LRBA: variants seen among roughly 807,000 people sequenced by gnomAD.
LRBA encodes LPS responsive beige-like anchor protein.
Under a neutral mutation model 330.0 loss-of-function variants are expected in LRBA, and 176 were observed. The ratio of observed to expected loss-of-function variants is 0.53; its 90% CI spans 0.47 to 0.60. LRBA has a LOEUF of 0.60. Among genes scored for constraint, LRBA ranks in the 20% least tolerant of loss-of-function variants. LRBA has a pLI of 0.00. For synonymous variants in LRBA, 1,230 were observed against 1,193.0 expected, an observed-to-expected ratio of 1.03 and a Z score of -0.64; for missense variants, 3,259 against 3,444.8, an observed-to-expected ratio of 0.95 and a Z score of 1.35.
intron 2 of LRBA, among the ~76,000 whole-genome samples, chr4:150,967,101 A>G (rs535301050): frequency 6.6e-6 from 1 of 152,222 alleles, no homozygotes; most frequent in East Asian, 1.9e-4. Flanking sequence ...AATAGTAGTT[A>G]AAAAACCATT....
intron 36 of LRBA, among the ~76,000 whole-genome samples, chr4:150,684,575 C>T (rs1411665382): frequency 6.6e-6 from 1 of 152,140 alleles, no homozygotes; most frequent in Non-Finnish European, 1.5e-5. Context: ...TAATCAGATA[C>T]ACTATAATTG....
intron 4 of LRBA, among the ~76,000 whole-genome samples, chr4:150,925,262 G>A (rs1733767731): frequency 6.6e-6 from 1 of 151,708 alleles, no homozygotes; most frequent in South Asian, 2.1e-4. Flanking sequence ...ATTACTCCAT[G>A]TACTGATTCT....
At chr4:150,640,401 A>G (rs1561459269) in intron 37 of LRBA, among the ~76,000 whole-genome samples, 1 of 152,194 alleles carries the variant, frequency 6.6e-6, no homozygotes, top group Non-Finnish European at 1.5e-5. Flanking sequence ...TAGCATAGTT[A>G]TGTTCGTACT....
intron 37 of LRBA, among the ~76,000 whole-genome samples, chr4:150,620,035 A>T (rs1024229263): frequency 1.3e-5 from 2 of 152,300 alleles, no homozygotes; most frequent in Admixed American, 6.5e-5. Context: ...CCTATTATGT[A>T]AAAAGAAATT....
At chr4:150,779,207 A>G (rs1004160929) in intron 34 of LRBA, among the ~76,000 whole-genome samples, 5 of 152,168 alleles carry the variant, frequency 3.3e-5, no homozygotes, top group African/African-American at 7.2e-5. Flanking sequence ...TTTTCTAAAC[A>G]AAGTTATTCT....
intron 2 of LRBA, among the ~76,000 whole-genome samples, chr4:150,983,589 AT>A (rs1209223500): frequency 6.6e-6 from 1 of 150,414 alleles, no homozygotes; most frequent in Non-Finnish European, 1.5e-5. Context: ...AGTAGCTGGG[AT>A]TACAGGTGCC....
chr4:150,559,684 T>TTATATTA (rs1423759912), intron 40 of LRBA, among the ~76,000 whole-genome samples: 7 of 87,654 alleles, frequency 8.0e-5, no homozygotes, highest in African/African-American at 3.0e-4. Flanking sequence ...ATATAATATA[T>TTATATTA]TATATTATAT....
chr4:150,555,723 C>T (rs1767218304), intron 40 of LRBA, among the ~76,000 whole-genome samples: 1 of 147,526 alleles, frequency 6.8e-6, no homozygotes. Flanking sequence ...TGCACTCCAG[C>T]CTGGGTAACA....
At chr4:150,539,468 T>G in intron 40 of LRBA, among the ~76,000 whole-genome samples, 1 of 152,346 alleles carries the variant, frequency 6.6e-6, no homozygotes, top group Admixed American at 6.5e-5. Flanking sequence ...CAGTCCAAAA[T>G]AGATTTCCAA....
At chr4:150,883,911 A>C (rs1728667654) in intron 17 of LRBA, among the ~76,000 whole-genome samples, 2 of 152,226 alleles carry the variant, frequency 1.3e-5, no homozygotes, top group Admixed American at 6.5e-5. Flanking sequence ...AGGGGGAATA[A>C]TGATGCTAAC....
chr4:150,326,823 A>G (rs1194346552), intron 48 of LRBA, among the ~76,000 whole-genome samples: 1 of 152,066 alleles, frequency 6.6e-6, no homozygotes, highest in Non-Finnish European at 1.5e-5. Context: ...CTACTTCGAC[A>G]CTCCCGTAAC....
intron 2 of LRBA, among the ~76,000 whole-genome samples, chr4:150,998,349 G>A (rs1209246039): frequency 1.1e-4 from 15 of 142,106 alleles, no homozygotes; most frequent in South Asian, 8.9e-4. Flanking sequence ...ACGAAACTCC[G>A]TCTCAAAAAA....
In LRBA at chr4:150,451,503, T is replaced by C. The variant is rs1417976390; in HGVS notation, c.6781-14639A>G. ...CAAGAGAAATTAGAAAACATTTAAATGGGATGAAAATAAAAACAATATATA... is the reference window on the plus strand; with the variant it reads ...CAAGAGAAATTAGAAAACATTTAAACGGGATGAAAATAAAAACAATATATA... On this transcript the variant is annotated intron_variant, in intron 44 of 56. Transcript: ENST00000651943. 4.6e-5 allele frequency among the ~76,000 whole-genome samples: 7 copies of C among 152,110 alleles called. 1 individual carries two copies. Among genetic ancestry groups the C allele is most frequent in the Admixed American group, 4.6e-4 (7 of 15,272 alleles).
At chr4:150,391,017 C>T (rs569818420) in intron 47 of LRBA, among the ~76,000 whole-genome samples, 48 of 152,126 alleles carry the variant, frequency 3.2e-4, no homozygotes, top group Admixed American at 1.1e-3. Flanking sequence ...AGCTTGATAC[C>T]GCACTTCCCA....
At position 150,755,246 on chromosome 4, in the gene LRBA, C is replaced by T. The variant is rs572787511; in HGVS notation, c.5645+6537G>A. ...GAAGACAGACCAGTGTATTAATACT[C>T]GAAGCATTATGTCTTTTATGTGGGC... On this transcript the variant is annotated intron_variant, in intron 35 of 56. Transcript: ENST00000651943. Among the ~76,000 whole-genome samples the T allele has an allele frequency of 1.6e-4, 25 of 152,250 alleles. No homozygotes were observed. In the South Asian group the frequency reaches 5.0e-3, roughly 30 times the overall value.
chr4:150,469,415 C>T (rs572340174), intron 43 of LRBA, among the ~76,000 whole-genome samples: 1 of 152,204 alleles, frequency 6.6e-6, no homozygotes, highest in South Asian at 2.1e-4. Context: ...ACTGCAGGCA[C>T]AATAAAAGCT....
chr4:150,646,608 G>A (rs539898056), intron 37 of LRBA, among the ~76,000 whole-genome samples: 17 of 152,200 alleles, frequency 1.1e-4, no homozygotes, highest in East Asian at 5.8e-4. Flanking sequence ...TTGATCAGGC[G>A]AAGTCAACAG....
intron 8 of LRBA, 60 bp downstream of exon 8, chr4:150,915,548 T>C (rs1266189565): frequency 6.8e-7 from 1 of 1,478,588 alleles, no homozygotes; most frequent in Admixed American, 2.3e-5. Flanking sequence ...CTTTTTCTTG[T>C]TTAAAAAGCT....
intron 40 of LRBA, among the ~76,000 whole-genome samples, chr4:150,562,963 CT>C (rs1768570378): frequency 6.6e-6 from 1 of 151,960 alleles, no homozygotes; most frequent in Non-Finnish European, 1.5e-5. Flanking sequence ...CCACACCCAG[CT>C]AATTTTTAAA....
Sources: gnomAD v4.1 joint callset for allele counts (sites outside exome capture counted in the v4.1 genomes callset) on GRCh38, gnomAD v4.1.1 for gene constraint, MANE v1.5 for transcripts, NCBI Gene and HGNC (gene_info 2026-07-23, HGNC 2026-07-21) for gene names.